The following VAV2 variants were observed in gnomAD, a reference collection of about 807,000 sequenced individuals.
VAV2 encodes guanine nucleotide exchange factor VAV2.
VAV2 carries 67 observed loss-of-function variants against 132.5 expected under a neutral mutation model. The ratio of observed to expected loss-of-function variants is 0.51; its 90% CI spans 0.42 to 0.62. The LOEUF (loss-of-function observed/expected upper bound fraction) is 0.62, where lower values mean the gene tolerates loss of function less well. VAV2 is among the 20% of genes least tolerant of loss of function. The pLI is 0.00. For missense variants in VAV2, 938 were observed against 1,153.6 expected (o/e 0.81, Z 2.71); for synonymous variants, 492 against 443.5 (o/e 1.11, Z -1.37).
chr9:133,970,329 G>A (rs765689261), intron 1 of VAV2, among the ~76,000 whole-genome samples: 12 of 152,282 alleles, frequency 7.9e-5, no homozygotes, highest in Admixed American at 2.6e-4. Context: ...TACAAGTCTC[G>A]TAAAAAGGCA....
intron 1 of VAV2, among the ~76,000 whole-genome samples, chr9:133,947,575 T>C (rs1009071096): frequency 1.3e-5 from 2 of 151,820 alleles, no homozygotes; most frequent in African/African-American, 4.8e-5. Context: ...GGCGCATGCC[T>C]GTAATCCCAG....
intron 3 of VAV2, among the ~76,000 whole-genome samples, chr9:133,859,727 T>A (rs1184171760): frequency 2.0e-5 from 3 of 151,760 alleles, no homozygotes; most frequent in Admixed American, 6.6e-5. Flanking sequence ...GAAGGAACCA[T>A]CATTTCTGGA....
In VAV2 at chr9:133,863,353, G is replaced by C. The variant is rs1273051182; in HGVS notation, c.322-1921C>G. 6.6e-6 allele frequency among the ~76,000 whole-genome samples: 1 copy of C among 152,176 alleles called. No homozygotes were observed. The highest frequency in any genetic ancestry group is 1.5e-5 in the Non-Finnish European group (1 of 68,044). On this transcript the variant is annotated intron_variant, in intron 2 of 29. Transcript: ENST00000371850. The surrounding 1 kb of genome is among the most constrained non-coding windows in gnomAD (Gnocchi z 5.0). ...GAGTCTAAGGAGGCACCAGCATTCG[G>C]TCAGCGCTGACACACAAGAACCTGT...
intron 22 of VAV2, 47 bp from the exon 23 acceptor site, chr9:133,777,510 T>C (rs1194438386): frequency 1.3e-6 from 2 of 1,583,242 alleles, no homozygotes; most frequent in East Asian, 2.2e-5. Flanking sequence ...GAGCCTGGCC[T>C]ATGGGAGTGT....
At position 133,795,730 on chromosome 9, in the gene VAV2, G is replaced by C. The variant is rs759515348; in HGVS notation, c.1039C>G (p.Leu347Val). ...TCAGGCCGTTCCGCAGAATGGCTCA[G>C]AAGCTCCTGGAAGGGTGAGAAGAGT... ...LKYHLLLKEL[L>V]SHSAERPERQ... is the part of the protein sequence containing the mutation. Residue 347 changes from leucine to valine, a missense_variant, in exon 12 of 30, where the codon CTG becomes GTG. Leu to Val is a conservative substitution (Grantham distance 32, BLOSUM62 1). Transcript: ENST00000371850. 65 of 1,613,786 alleles carry C rather than the reference G, an allele frequency of 4.0e-5. 2 individuals are homozygous for C. The South Asian group carries it at 6.9e-4, about 17-fold the overall frequency.
intron 4 of VAV2, among the ~76,000 whole-genome samples, chr9:133,817,347 T>G (rs960526354): frequency 6.6e-6 from 1 of 152,220 alleles, no homozygotes; most frequent in African/African-American, 2.4e-5. Context: ...CTTTCCTCCC[T>G]GTTATTTGAA....
rs371642430 is a variant in VAV2, at chr9:133,763,239, T to A, written c.*823A>T. 27 of 151,914 alleles carry A rather than the reference T, an allele frequency of 1.8e-4. No individual in the cohort carries two copies. The highest frequency in any genetic ancestry group is 5.8e-4 in the African/African-American group (24 of 41,390). The allele number at this position is 151,914 out of a possible 1,614,324, so 9.4% of individuals were successfully genotyped here. ...GTTTTCTTCCCTGCCCATTTCAGGG[T>A]TTTTACAAAAGATGTACTGATCTGG... On this transcript the variant is annotated 3_prime_UTR_variant, in exon 30 of 30. Coordinates refer to ENST00000371850, the MANE Select transcript of VAV2 (RefSeq NM_001134398.2). The surrounding 1 kb of genome is among the most constrained non-coding windows in gnomAD (Gnocchi z 6.8).
At chr9:133,865,924 C>T (rs1837780173) in intron 2 of VAV2, among the ~76,000 whole-genome samples, 1 of 152,260 alleles carries the variant, frequency 6.6e-6, no homozygotes, top group African/African-American at 2.4e-5. Flanking sequence ...CACTCCATGC[C>T]TGGTGCCAAA....
intron 2 of VAV2, among the ~76,000 whole-genome samples, chr9:133,877,639 C>T (rs1308570226): frequency 6.6e-6 from 1 of 152,166 alleles, no homozygotes; most frequent in Non-Finnish European, 1.5e-5. Context: ...CTCAGCCTCC[C>T]GACTGAGCCT....
intron 3 of VAV2, among the ~76,000 whole-genome samples, chr9:133,841,884 CAGCTCAGCCTG>C (rs1307787709): frequency 1.3e-5 from 2 of 152,186 alleles, no homozygotes; most frequent in Non-Finnish European, 2.9e-5. Flanking sequence ...CGCTTTCCAC[CAGCTCAGCCTG>C]AGCCCACTCT....
intron 25 of VAV2, among the ~76,000 whole-genome samples, chr9:133,774,039 T>C (rs1273980043): frequency 6.6e-6 from 1 of 152,216 alleles, no homozygotes; most frequent in Non-Finnish European, 1.5e-5. Context: ...TGGAATGTCA[T>C]TATGTGGCCG....
chr9:133,891,004 G>C (rs948613966), intron 2 of VAV2, among the ~76,000 whole-genome samples: 1 of 151,978 alleles, frequency 6.6e-6, no homozygotes, highest in African/African-American at 2.4e-5. Flanking sequence ...ATATCTATTT[G>C]GGCATTTTCT....
chr9:133,799,981 C>A (rs776321264), intron 9 of VAV2, among the ~76,000 whole-genome samples: 1 of 152,218 alleles, frequency 6.6e-6, no homozygotes, highest in Non-Finnish European at 1.5e-5. Flanking sequence ...GCAGAAGACA[C>A]GCCACACACA....
intron 4 of VAV2, among the ~76,000 whole-genome samples, chr9:133,822,871 G>A (rs1199350661): frequency 2.6e-5 from 4 of 152,212 alleles, no homozygotes; most frequent in Non-Finnish European, 4.4e-5. Context: ...CACAGCACAG[G>A]GTTTCATTTC....
chr9:133,867,293 G>A (rs377710557), intron 2 of VAV2, among the ~76,000 whole-genome samples: 3 of 152,384 alleles, frequency 2.0e-5, no homozygotes, highest in African/African-American at 7.2e-5. Flanking sequence ...TCGCCAGGTG[G>A]TGCGTGCGCA....
intron 4 of VAV2, among the ~76,000 whole-genome samples, chr9:133,813,385 C>T (rs1481766186): frequency 2.0e-5 from 3 of 152,242 alleles, no homozygotes; most frequent in African/African-American, 4.8e-5. Flanking sequence ...TCCCCAGCCA[C>T]GCTGTGTGCC....
chr9:133,876,076 T>C (rs1702086783), intron 2 of VAV2, among the ~76,000 whole-genome samples: 1 of 152,232 alleles, frequency 6.6e-6, no homozygotes, highest in Admixed American at 6.5e-5. Context: ...TCAGGCCCCT[T>C]GGGTCTTGGG....
At position 133,892,109 on chromosome 9, in the gene VAV2, T is replaced by C. The variant is rs547507113; in HGVS notation, c.322-30677A>G. 4.2e-5 allele frequency among the ~76,000 whole-genome samples: 4 copies of C among 95,760 alleles called. No individual in the cohort carries two copies. In the South Asian group the frequency reaches 2.1e-3, roughly 50 times the overall value. 62.8% of individuals were successfully genotyped at this position (95,760 alleles called of 152,430 possible). On this transcript the variant is annotated intron_variant, in intron 2 of 29. Coordinates refer to ENST00000371850, the MANE Select transcript of VAV2 (RefSeq NM_001134398.2). ...GGGGGAAGGAGAGGGATGGGGGCAT[T>C]GGGTACGGGGTGGAAGGGACCCAAG... is the stretch of plus-strand genomic sequence containing the variant.
intron 1 of VAV2, among the ~76,000 whole-genome samples, chr9:133,954,998 G>C (rs1263896866): frequency 5.9e-5 from 9 of 152,092 alleles, no homozygotes; most frequent in Non-Finnish European, 8.8e-5. Context: ...TGCAATGAAT[G>C]CAAGTGCACT....
Sources: allele counts gnomAD v4.1 joint callset (sites outside exome capture counted in the v4.1 genomes callset), GRCh38; gene constraint gnomAD v4.1.1; non-coding constraint Gnocchi (gnomAD v3.1); transcripts MANE v1.5; gene names NCBI Gene and HGNC (gene_info 2026-07-23, HGNC 2026-07-21).